The following ELOVL5 variants were observed in gnomAD, a reference collection of about 807,000 sequenced individuals.
The protein encoded by ELOVL5 is very long chain fatty acid elongase 5.
In ELOVL5, 8 loss-of-function variants were observed where a neutral mutation model predicts 38.6. The ratio of observed to expected loss-of-function variants is 0.21; its 90% CI spans 0.12 to 0.37. The LOEUF (loss-of-function observed/expected upper bound fraction) is 0.37, where lower values mean the gene tolerates loss of function less well. Among genes scored for constraint, ELOVL5 ranks in the 10% least tolerant of loss-of-function variants. The probability of loss-of-function intolerance (pLI) is 1.00; values close to 1 mark genes in which losing one functional copy is unlikely to be tolerated. For synonymous variants in ELOVL5, 127 were observed against 133.7 expected, an observed-to-expected ratio of 0.95 and a Z score of 0.34; for missense variants, 280 against 367.8, an observed-to-expected ratio of 0.76 and a Z score of 1.95.
chr6:53,300,453 A>C (rs1382900851), intron 1 of ELOVL5, among the ~76,000 whole-genome samples: 1 of 141,932 alleles, frequency 7.0e-6, no homozygotes, highest in African/African-American at 2.8e-5. Context: ...TACGATATGC[A>C]AAATAACTGT....
chr6:53,296,311 C>G (rs1767002256), intron 1 of ELOVL5, among the ~76,000 whole-genome samples: 4 of 152,134 alleles, frequency 2.6e-5, no homozygotes, highest in Admixed American at 1.3e-4. Flanking sequence ...CAATATACTT[C>G]CAGAGATTTC....
intron 1 of ELOVL5, among the ~76,000 whole-genome samples, chr6:53,333,646 G>A (rs1768902953): frequency 1.3e-5 from 2 of 152,178 alleles, no homozygotes; most frequent in African/African-American, 4.8e-5. Context: ...AGGGAAGGGA[G>A]AACAAGAAAT....
intron 1 of ELOVL5, among the ~76,000 whole-genome samples, chr6:53,303,891 C>T (rs557638657): frequency 6.6e-6 from 1 of 152,330 alleles, no homozygotes; most frequent in South Asian, 2.1e-4. Flanking sequence ...ATCTGTGGTC[C>T]TTCCTCCCTG....
intron 1 of ELOVL5, among the ~76,000 whole-genome samples, chr6:53,335,731 T>C (rs905038494): frequency 2.0e-5 from 3 of 152,146 alleles, no homozygotes; most frequent in African/African-American, 7.2e-5. Flanking sequence ...TAGCTGCACA[T>C]GGCCACCCAG....
intron 1 of ELOVL5, among the ~76,000 whole-genome samples, chr6:53,336,191 G>A (rs1263693903): frequency 2.0e-5 from 3 of 152,292 alleles, no homozygotes; most frequent in Non-Finnish European, 4.4e-5. Flanking sequence ...GTATTGTCAC[G>A]TGTAGGGTCC....
chr6:53,341,551 C>T (rs1769331887), intron 1 of ELOVL5, among the ~76,000 whole-genome samples: 1 of 152,194 alleles, frequency 6.6e-6, no homozygotes, highest in South Asian at 2.1e-4. Context: ...GGGGTCCCTA[C>T]CTCGTGGGCT....
At chr6:53,312,041 G>C (rs1767858912) in intron 1 of ELOVL5, among the ~76,000 whole-genome samples, 1 of 152,148 alleles carries the variant, frequency 6.6e-6, no homozygotes, top group South Asian at 2.1e-4. Context: ...AGTGATATTT[G>C]TAACAAAAAC....
intron 1 of ELOVL5, among the ~76,000 whole-genome samples, chr6:53,332,881 C>T (rs1186289473): frequency 6.6e-6 from 1 of 152,226 alleles, no homozygotes; most frequent in Non-Finnish European, 1.5e-5. Flanking sequence ...GGTACAGCTA[C>T]AGGGTGGCTT....
intron 1 of ELOVL5, among the ~76,000 whole-genome samples, chr6:53,305,333 C>A (rs1328810759): frequency 6.6e-5 from 4 of 60,342 alleles, no homozygotes; most frequent in African/African-American, 3.0e-4. Flanking sequence ...AGGGGGCTGA[C>A]CCCCCCACCT....
At chr6:53,309,297 GGCT>G (rs958137176) in intron 1 of ELOVL5, among the ~76,000 whole-genome samples, 3 of 152,084 alleles carry the variant, frequency 2.0e-5, no homozygotes, top group South Asian at 2.1e-4. Context: ...ACTGCTGACA[GGCT>G]GCTGCTGCTG....
At chr6:53,314,847 T>C (rs576621196) in intron 1 of ELOVL5, among the ~76,000 whole-genome samples, 2 of 152,364 alleles carry the variant, frequency 1.3e-5, no homozygotes, top group African/African-American at 4.8e-5. Context: ...TATCCTACTT[T>C]GATTTGGAAA....
intron 1 of ELOVL5, among the ~76,000 whole-genome samples, chr6:53,333,327 T>C (rs1296884920): frequency 6.6e-6 from 1 of 152,206 alleles, no homozygotes; most frequent in Non-Finnish European, 1.5e-5. Flanking sequence ...GTTTGCTTTC[T>C]TCGTTTGGAA....
At chr6:53,281,490 C>A (rs1169243157) in intron 3 of ELOVL5, among the ~76,000 whole-genome samples, 3 of 152,166 alleles carry the variant, frequency 2.0e-5, no homozygotes, top group Non-Finnish European at 4.4e-5. Context: ...TCCAAATGCA[C>A]CTCAAACAGC....
chr6:53,304,748 G>C (rs564802928), intron 1 of ELOVL5, among the ~76,000 whole-genome samples: 128 of 152,324 alleles, frequency 8.4e-4, no homozygotes, highest in African/African-American at 2.9e-3. Flanking sequence ...TGGGGGTAAG[G>C]TCACAGATCA....
In ELOVL5 at chr6:53,345,005, C is replaced by T. The variant is rs76084242; in HGVS notation, c.-9+3812G>A. Among the ~76,000 whole-genome samples the T allele has an allele frequency of 2.9e-3, 445 of 152,302 alleles. 5 individuals carry two copies. Among genetic ancestry groups the T allele is most frequent in the African/African-American group, 0.01 (421 of 41,558 alleles). On this transcript the variant is annotated intron_variant, in intron 1 of 7. Coordinates refer to ENST00000304434, the MANE Select transcript of ELOVL5 (RefSeq NM_021814.5). ...GCTGACTTCCTGTGTTCTGCAGGCCCTTCTTAAAGGTGAAGCAGCTAGCTG... is the reference window on the plus strand; with the variant it reads ...GCTGACTTCCTGTGTTCTGCAGGCCTTTCTTAAAGGTGAAGCAGCTAGCTG...
intron 1 of ELOVL5, among the ~76,000 whole-genome samples, chr6:53,317,900 T>TC (rs879852634): frequency 3.9e-5 from 6 of 151,982 alleles, no homozygotes; most frequent in Non-Finnish European, 8.8e-5. Context: ...GATGGATTTT[T>TC]CCCCCTTATT....
intron 1 of ELOVL5, among the ~76,000 whole-genome samples, chr6:53,305,399 C>G (rs1485748497): frequency 2.0e-5 from 3 of 149,784 alleles, no homozygotes; most frequent in African/African-American, 7.4e-5. Context: ...CACCTCCCTC[C>G]CGGGCGGGGT....
At chr6:53,331,355 G>T (rs1234823700) in intron 1 of ELOVL5, among the ~76,000 whole-genome samples, 1 of 152,092 alleles carries the variant, frequency 6.6e-6, no homozygotes, top group South Asian at 2.1e-4. Context: ...TTTTTTAAAT[G>T]ATAAAAAGTA....
At chr6:53,325,809 A>C (rs1768518321) in intron 1 of ELOVL5, among the ~76,000 whole-genome samples, 1 of 152,232 alleles carries the variant, frequency 6.6e-6, no homozygotes, top group African/African-American at 2.4e-5. Context: ...AAAGTGTCTC[A>C]AATTTTACCT....
Sources: gnomAD v4.1 joint callset for allele counts (sites outside exome capture counted in the v4.1 genomes callset) on GRCh38, gnomAD v4.1.1 for gene constraint, MANE v1.5 for transcripts, NCBI Gene and HGNC (gene_info 2026-07-23, HGNC 2026-07-21) for gene names.